TBC1D19: variants seen among roughly 807,000 people sequenced by gnomAD.
TBC1D19 encodes the protein TBC1 domain family, member 19.
TBC1D19 carries 60 observed loss-of-function variants against 89.0 expected under a neutral mutation model. The ratio of observed to expected loss-of-function variants is 0.67; its 90% CI spans 0.55 to 0.84. The LOEUF (loss-of-function observed/expected upper bound fraction) is 0.84. TBC1D19 is among the 40% of genes least tolerant of loss of function. TBC1D19 has a pLI of 0.00. For synonymous variants in TBC1D19, 189 were observed against 199.7 expected (o/e 0.95, Z 0.45); for missense variants, 500 against 610.8 (o/e 0.82, Z 1.91).
At chr4:26,599,233 A>G (rs956516542) in intron 1 of TBC1D19, among the ~76,000 whole-genome samples, 7 of 152,336 alleles carry the variant, frequency 4.6e-5, no homozygotes, top group South Asian at 2.1e-4. Context: ...ACTGACATTT[A>G]ATAGAAATAA....
chr4:26,835,459 A>G, the TBC1D19 span, among the ~76,000 whole-genome samples: 2 of 152,232 alleles, frequency 1.3e-5, no homozygotes, highest in African/African-American at 2.4e-5. Flanking sequence ...AGCAGCAATA[A>G]GAAATGAGTA....
rs200156219 is a variant in TBC1D19, at chr4:26,690,369, G to T, written c.954+1962G>T. ...CTAGCAAAGATCATTGTTAAAGGTG[G>T]CTACACTAAACAACAGATTTTTCAG... On this transcript the variant is annotated intron_variant, in intron 13 of 20. Transcript: ENST00000264866. Among the ~76,000 whole-genome samples, 18 of 152,306 alleles carry T rather than the reference G, an allele frequency of 1.2e-4. 1 individual carries two copies. In the East Asian group the frequency reaches 3.1e-3, roughly 26 times the overall value.
intron 13 of TBC1D19, among the ~76,000 whole-genome samples, chr4:26,714,533 T>C (rs911368143): frequency 1.3e-5 from 2 of 152,102 alleles, no homozygotes; most frequent in African/African-American, 4.8e-5. Context: ...CCACATTCTT[T>C]TTAGTTTTCC....
At chr4:26,774,321 G>T in the TBC1D19 span, among the ~76,000 whole-genome samples, 1 of 152,240 alleles carries the variant, frequency 6.6e-6, no homozygotes, top group Non-Finnish European at 1.5e-5. Flanking sequence ...TGGCAGATCA[G>T]CACTCTCTTA....
the TBC1D19 span, among the ~76,000 whole-genome samples, chr4:26,770,504 T>C: frequency 4.6e-5 from 7 of 152,092 alleles, no homozygotes; most frequent in African/African-American, 1.7e-4. Context: ...GAAAAATCTA[T>C]AGTTCTTATT....
chr4:26,824,749 A>G, the TBC1D19 span, among the ~76,000 whole-genome samples: 1 of 151,834 alleles, frequency 6.6e-6, no homozygotes, highest in East Asian at 1.9e-4. Flanking sequence ...CTTTGCACAT[A>G]TTTCTGGACA....
chr4:26,846,194 T>G, the TBC1D19 span, among the ~76,000 whole-genome samples: 1 of 152,226 alleles, frequency 6.6e-6, no homozygotes, highest in African/African-American at 2.4e-5. Flanking sequence ...GTTTCTACCT[T>G]TTGGCTATTG....
intron 11 of TBC1D19, among the ~76,000 whole-genome samples, chr4:26,681,111 G>A (rs1713299363): frequency 6.6e-6 from 1 of 152,176 alleles, no homozygotes; most frequent in Non-Finnish European, 1.5e-5. Context: ...ATACAAAAAT[G>A]AGATGTTTCT....
At chr4:26,604,803 C>T (rs1740871565) in intron 1 of TBC1D19, among the ~76,000 whole-genome samples, 1 of 151,810 alleles carries the variant, frequency 6.6e-6, no homozygotes, top group South Asian at 2.1e-4. Flanking sequence ...ATGGCGTGAA[C>T]CCGGGAGGCG....
chr4:26,676,131 T>G (rs1298006530), intron 11 of TBC1D19, among the ~76,000 whole-genome samples: 1 of 152,202 alleles, frequency 6.6e-6, no homozygotes, highest in Admixed American at 6.5e-5. Context: ...ATATTAACAT[T>G]TAAGATTTTC....
At chr4:26,743,608 T>G (rs1718491498) in intron 18 of TBC1D19, among the ~76,000 whole-genome samples, 1 of 152,008 alleles carries the variant, frequency 6.6e-6, no homozygotes, top group Non-Finnish European at 1.5e-5. Context: ...ATATATAATC[T>G]CCTTTTTATA....
At chr4:26,785,221 G>A in the TBC1D19 span, among the ~76,000 whole-genome samples, 1 of 152,146 alleles carries the variant, frequency 6.6e-6, no homozygotes, top group Non-Finnish European at 1.5e-5. Context: ...TCTCTAGGAT[G>A]ACAAATTCAA....
the TBC1D19 span, among the ~76,000 whole-genome samples, chr4:26,832,043 A>G: frequency 6.6e-6 from 1 of 152,244 alleles, no homozygotes; most frequent in African/African-American, 2.4e-5. Context: ...TGTTGAAATG[A>G]AAATAATTTC....
intron 11 of TBC1D19, among the ~76,000 whole-genome samples, chr4:26,676,488 C>T (rs1042929971): frequency 1.1e-4 from 17 of 152,068 alleles, no homozygotes; most frequent in African/African-American, 4.1e-4. Context: ...AAGGCTGAGC[C>T]AGGTGAATCA....
chr4:26,748,371 T>A lies in TBC1D19; in HGVS notation c.1320-40T>A, dbSNP rs913179117. 4.1e-6 allele frequency: 6 copies of A among 1,474,254 alleles called. No individual in the cohort carries two copies. In the African/African-American group the frequency reaches 4.2e-5, roughly 10 times the overall value. 91.3% of individuals were successfully genotyped at this position (1,474,254 alleles called of 1,614,324 possible). On this transcript the variant is annotated intron_variant, in intron 18 of 20. Transcript: ENST00000264866. ...GATATTGCATTTTCATGAGAAAAAA[T>A]TTCAGTGGTACATTAATTTTTATTT... is the stretch of plus-strand genomic sequence containing the variant.
At chr4:26,789,615 A>G in the TBC1D19 span, among the ~76,000 whole-genome samples, 1 of 152,230 alleles carries the variant, frequency 6.6e-6, no homozygotes, top group Admixed American at 6.5e-5. Flanking sequence ...GAGAATGTAA[A>G]TTAATATAAC....
At chr4:26,668,377 TC>T (rs1363841662) in intron 9 of TBC1D19, among the ~76,000 whole-genome samples, 2 of 152,022 alleles carry the variant, frequency 1.3e-5, no homozygotes, top group African/African-American at 4.8e-5. Context: ...GTGCAGATTT[TC>T]CTTCTTTGAT....
intron 1 of TBC1D19, 120 bp downstream of exon 1, chr4:26,584,412 A>C: frequency 2.2e-6 from 2 of 917,830 alleles, no homozygotes; most frequent in Non-Finnish European, 3.3e-6. Context: ...TCTGGTGCTC[A>C]AAAAACAAAC....
At chr4:26,636,761 G>A (rs1743158689) in intron 4 of TBC1D19, among the ~76,000 whole-genome samples, 1 of 151,914 alleles carries the variant, frequency 6.6e-6, no homozygotes, top group African/African-American at 2.4e-5. Context: ...GATGTATTTA[G>A]GGGTAAAATT....
Sources: gnomAD v4.1 joint callset for allele counts (sites outside exome capture counted in the v4.1 genomes callset) on GRCh38, gnomAD v4.1.1 for gene constraint, MANE v1.5 for transcripts, NCBI Gene and HGNC (gene_info 2026-07-23, HGNC 2026-07-21) for gene names.